Variants in PHF2 observed in about 807,000 individuals in gnomAD.
PHF2 encodes PHD finger protein 2.
Under a neutral mutation model 120.5 loss-of-function variants are expected in PHF2, and 27 were observed. The observed-to-expected ratio is 0.22, with a 90% CI of 0.17 to 0.31. PHF2 has a LOEUF of 0.31. PHF2 is among the 10% of genes least tolerant of loss of function. The pLI is 1.00. For missense variants in PHF2, 1,024 were observed against 1,434.8 expected, an observed-to-expected ratio of 0.71 and a Z score of 4.63; for synonymous variants, 568 against 592.5, an observed-to-expected ratio of 0.96 and a Z score of 0.60.
intron 1 of PHF2, among the ~76,000 whole-genome samples, chr9:93,599,938 C>G (rs897602429): frequency 2.6e-5 from 4 of 152,156 alleles, no homozygotes; most frequent in African/African-American, 9.7e-5. Flanking sequence ...GACTTTGAGG[C>G]CAAGAAAGAT....
At chr9:93,585,111 G>T (rs370890444) in intron 1 of PHF2, among the ~76,000 whole-genome samples, 8 of 152,268 alleles carry the variant, frequency 5.3e-5, no homozygotes, top group Middle Eastern at 3.4e-3. Flanking sequence ...CTGTACATGC[G>T]CAGGGTGCTG....
At chr9:93,664,788 T>TGACG (rs1355096290) in intron 14 of PHF2, among the ~76,000 whole-genome samples, 1 of 152,224 alleles carries the variant, frequency 6.6e-6, no homozygotes, top group African/African-American at 2.4e-5. Context: ...GCTAGGGAGT[T>TGACG]GACGATAGAG....
chr9:93,651,015 G>T (rs185219566), intron 5 of PHF2, among the ~76,000 whole-genome samples: 40 of 152,032 alleles, frequency 2.6e-4, no homozygotes, highest in Admixed American at 1.4e-3. Flanking sequence ...ACTTTGGGAG[G>T]CTGAGGCAGG....
At position 93,679,237 on chromosome 9, in the gene PHF2, A is replaced by C. The variant is rs1253932633; in HGVS notation, c.*1561A>C. On this transcript the variant is annotated 3_prime_UTR_variant, in exon 22 of 22. Transcript: ENST00000359246. ...CTTGGTGGAGGCCTTATCCACTCCC[A>C]CTTGTCCTGTTTGGAGGGACGCAGT... The C allele has an allele frequency of 1.3e-5, 6 of 456,010 alleles. No homozygotes were observed. Among genetic ancestry groups the C allele is most frequent in the Non-Finnish European group, 2.6e-5 (6 of 226,934 alleles). 28.2% of individuals were successfully genotyped at this position (456,010 alleles called of 1,614,324 possible). A position where few individuals can be genotyped will look rare whatever the true frequency, so the allele number is the denominator to read the frequency against.
intron 1 of PHF2, among the ~76,000 whole-genome samples, chr9:93,599,112 A>C (rs1825387498): frequency 6.6e-6 from 1 of 152,148 alleles, no homozygotes; most frequent in Non-Finnish European, 1.5e-5. Context: ...TGTGGCTTTC[A>C]TGGTATCCCA....
intron 1 of PHF2, among the ~76,000 whole-genome samples, chr9:93,605,119 TGTA>T (rs1206989057): frequency 4.6e-5 from 7 of 152,260 alleles, no homozygotes; most frequent in African/African-American, 1.7e-4. Flanking sequence ...CTTGCATTAA[TGTA>T]GTATATTTAT....
chr9:93,665,809 G>A lies in PHF2; in HGVS notation c.2061G>A (p.Lys687=), dbSNP rs748475541. The A allele has an allele frequency of 6.2e-7, 1 of 1,612,738 alleles. No homozygotes were observed. Among genetic ancestry groups the A allele is most frequent in the Non-Finnish European group, 8.5e-7 (1 of 1,179,468 alleles). Residue 687 remains lysine, a synonymous_variant, in exon 15 of 22, where the codon AAG becomes AAA. Transcript: ENST00000359246. ...YEYVSDDGEL[K]IDEFPIRRKK... is the part of the protein sequence containing the mutation. ...ACGTGTCGGATGACGGTGAGCTCAA[G>A]ATCGACGAGTTTCCCATCAGGAGGA...
intron 14 of PHF2, 104 bp from the exon 15 acceptor site, chr9:93,665,582 G>A (rs777104317): frequency 2.4e-6 from 3 of 1,268,772 alleles, no homozygotes; most frequent in Non-Finnish European, 3.3e-6. Context: ...GCCTCCTGGA[G>A]GCCATCCTGC....
At chr9:93,651,853 C>G (rs1220239886) in intron 5 of PHF2, among the ~76,000 whole-genome samples, 1 of 152,138 alleles carries the variant, frequency 6.6e-6, no homozygotes, top group Non-Finnish European at 1.5e-5. Flanking sequence ...AGCCTGGCCC[C>G]CTGTGGTGTG....
intron 2 of PHF2, among the ~76,000 whole-genome samples, chr9:93,633,696 C>T (rs1028608372): frequency 6.6e-5 from 10 of 152,200 alleles, no homozygotes; most frequent in African/African-American, 1.9e-4. Context: ...GTGAGGGCCC[C>T]GCCCCACGAG....
chr9:93,609,552 G>GT (rs1825599712), intron 1 of PHF2, among the ~76,000 whole-genome samples: 1 of 147,650 alleles, frequency 6.8e-6, no homozygotes, highest in Non-Finnish European at 1.5e-5. Context: ...ATTCTAGGTT[G>GT]GTTTTTTTTT....
In PHF2 at chr9:93,611,748, C is replaced by A. The variant is rs1056356603; in HGVS notation, c.99-18222C>A. On this transcript the variant is annotated intron_variant, in intron 1 of 21. Coordinates refer to ENST00000359246, the MANE Select transcript of PHF2 (RefSeq NM_005392.4). ...CATGCTGGTCCTGAACTCCTGGACTCAAGCCATCTTCCAGCCTCAGCTTCC... is the reference window on the plus strand; with the variant it reads ...CATGCTGGTCCTGAACTCCTGGACTAAAGCCATCTTCCAGCCTCAGCTTCC... 3.9e-5 allele frequency among the ~76,000 whole-genome samples: 6 copies of A among 152,180 alleles called. No homozygotes were observed. The South Asian group carries it at 8.3e-4, about 21-fold the overall frequency.
intron 2 of PHF2, among the ~76,000 whole-genome samples, chr9:93,633,633 T>C (rs532773822): frequency 3.3e-5 from 5 of 152,320 alleles, no homozygotes; most frequent in Non-Finnish European, 2.9e-5. Context: ...GTACCTTTGC[T>C]GGTGACCTTG....
At position 93,665,876 on chromosome 9, in the gene PHF2, G is replaced by C. The variant is rs1305931798; in HGVS notation, c.2116+12G>C. ...AAGGGACTTGTCCTGTGAGTTGGGAGGGGGTGTTGGGGGAGGGGTGTGGGA... is the reference window on the plus strand; with the variant it reads ...AAGGGACTTGTCCTGTGAGTTGGGACGGGGTGTTGGGGGAGGGGTGTGGGA... On this transcript the variant is annotated intron_variant, in intron 15 of 21. Transcript: ENST00000359246. The C allele has an allele frequency of 6.2e-7, 1 of 1,612,920 alleles. No individual in the cohort carries two copies. Among genetic ancestry groups the C allele is most frequent in the Admixed American group, 1.7e-5 (1 of 60,026 alleles).
chr9:93,651,364 C>T (rs1321229493), intron 5 of PHF2, among the ~76,000 whole-genome samples: 1 of 152,196 alleles, frequency 6.6e-6, no homozygotes, highest in African/African-American at 2.4e-5. Context: ...CTTTCAGGGC[C>T]ACCCCTTTGC....
intron 1 of PHF2, among the ~76,000 whole-genome samples, chr9:93,599,011 A>G (rs1355380770): frequency 2.0e-5 from 3 of 152,222 alleles, no homozygotes; most frequent in African/African-American, 7.2e-5. Flanking sequence ...CCTCTCAGAC[A>G]TGATGTCATT....
chr9:93,604,331 G>T (rs1825498714), intron 1 of PHF2, among the ~76,000 whole-genome samples: 1 of 151,000 alleles, frequency 6.6e-6, no homozygotes, highest in Non-Finnish European at 1.5e-5. Context: ...AATTTAGCGA[G>T]ACTTCTTTTT....
chr9:93,613,745 A>G (rs1447401612), intron 1 of PHF2, among the ~76,000 whole-genome samples: 1 of 151,436 alleles, frequency 6.6e-6, no homozygotes, highest in Admixed American at 6.6e-5. Flanking sequence ...GCTAATTTTT[A>G]TATTTTTTGT....
chr9:93,656,526 C>G lies in PHF2; in HGVS notation c.1078C>G (p.Leu360Val), dbSNP rs150964160. ...EVERRLKLGS[L>V]TQFPNFETAC... ...GGAAAGGAGGTTGAAACTGGGCAGC[C>G]TGACTCAGTTTCCCAACTTTGAAAC... The change falls in exon 9 of 22, where the codon CTG becomes GTG. Residue 360 changes from leucine to valine, a missense_variant. Physicochemically the swap from Leu to Val is conservative, Grantham distance 32. Coordinates refer to ENST00000359246, the MANE Select transcript of PHF2 (RefSeq NM_005392.4). The surrounding 1 kb of genome is among the most constrained non-coding windows in gnomAD (Gnocchi z 4.1). 6.2e-7 allele frequency: 1 copy of G among 1,613,880 alleles called. No individual in the cohort carries two copies. Among genetic ancestry groups the G allele is most frequent in the East Asian group, 2.2e-5 (1 of 44,862 alleles).
Sources: gnomAD v4.1 joint callset for allele counts (sites outside exome capture counted in the v4.1 genomes callset) on GRCh38, gnomAD v4.1.1 for gene constraint, Gnocchi (gnomAD v3.1) non-coding constraint, MANE v1.5 for transcripts, NCBI Gene and HGNC (gene_info 2026-07-23, HGNC 2026-07-21) for gene names.